The following EPB41L4B variants were observed in gnomAD, a reference collection of about 807,000 sequenced individuals.
EPB41L4B encodes erythrocyte membrane protein band 4.1 like 4B.
EPB41L4B carries 30 observed loss-of-function variants against 112.5 expected under a neutral mutation model. The ratio of observed to expected loss-of-function variants is 0.27; its 90% CI spans 0.20 to 0.36. EPB41L4B has a LOEUF of 0.36. Among genes scored for constraint, EPB41L4B ranks in the 10% least tolerant of loss-of-function variants. EPB41L4B has a pLI of 1.00. For synonymous variants in EPB41L4B, 408 were observed against 439.7 expected (o/e 0.93, Z 0.90); for missense variants, 1,024 against 1,133.3 (o/e 0.90, Z 1.38).
intron 2 of EPB41L4B, among the ~76,000 whole-genome samples, chr9:109,270,745 C>T (rs923704036): frequency 2.0e-5 from 3 of 152,214 alleles, no homozygotes; most frequent in African/African-American, 7.2e-5. Context: ...CAAGTTTAGG[C>T]CTCCCTTTCC....
At chr9:109,195,210 G>C (rs1173957150) in intron 20 of EPB41L4B, among the ~76,000 whole-genome samples, 6 of 152,176 alleles carry the variant, frequency 3.9e-5, no homozygotes, top group African/African-American at 1.2e-4. Flanking sequence ...CCCTTGCATA[G>C]GGGTTGTGAT....
rs577305402 is a variant in EPB41L4B at position 109,230,142 on chromosome 9, T to G, written c.1410-12997A>C. Among the ~76,000 whole-genome samples the G allele has an allele frequency of 7.2e-4, 109 of 152,300 alleles. 1 individual carries two copies. Among genetic ancestry groups the G allele is most frequent in the South Asian group, 1.0e-3 (5 of 4,814 alleles). On this transcript the variant is annotated intron_variant, in intron 15 of 25. Coordinates refer to ENST00000374566, the MANE Select transcript of EPB41L4B (RefSeq NM_019114.5). Reference sequence around the variant, plus strand: ...CCCAGTACTTCACCATCAGTTAACTTAATCTTCCAACAACCATTTGAAGAA... The same window carrying G: ...CCCAGTACTTCACCATCAGTTAACTGAATCTTCCAACAACCATTTGAAGAA...
intron 23 of EPB41L4B, among the ~76,000 whole-genome samples, chr9:109,184,007 C>T (rs1832164476): frequency 6.6e-6 from 1 of 152,246 alleles, no homozygotes; most frequent in African/African-American, 2.4e-5. Flanking sequence ...CCCCAAATTT[C>T]TTTGGTCTCT....
At chr9:109,204,613 T>A (rs1188468066) in intron 18 of EPB41L4B, among the ~76,000 whole-genome samples, 1 of 152,132 alleles carries the variant, frequency 6.6e-6, no homozygotes, top group Non-Finnish European at 1.5e-5. Context: ...TGCCTCAACC[T>A]CCAGATTAGC....
At chr9:109,210,449 T>G (rs537359661) in intron 17 of EPB41L4B, among the ~76,000 whole-genome samples, 7 of 152,328 alleles carry the variant, frequency 4.6e-5, no homozygotes, top group Middle Eastern at 3.4e-3. Context: ...TGACAATTGC[T>G]TAAGGGGAAG....
intron 13 of EPB41L4B, among the ~76,000 whole-genome samples, chr9:109,248,222 C>G (rs1834635235): frequency 6.6e-6 from 1 of 152,236 alleles, no homozygotes; most frequent in African/African-American, 2.4e-5. Context: ...ACCGATCCCT[C>G]CTGAGCATCT....
intron 1 of EPB41L4B, among the ~76,000 whole-genome samples, chr9:109,287,959 G>C (rs1308506289): frequency 1.3e-5 from 2 of 152,210 alleles, no homozygotes; most frequent in Non-Finnish European, 2.9e-5. Flanking sequence ...CTCCATTACA[G>C]CTCAAGTCAT....
chr9:109,319,871 G>A (rs1482187162), intron 1 of EPB41L4B, among the ~76,000 whole-genome samples: 1 of 152,152 alleles, frequency 6.6e-6, no homozygotes, highest in Non-Finnish European at 1.5e-5. Flanking sequence ...GAGGGGGCGA[G>A]GCCCCAAGGA....
chr9:109,248,764 A>AAT (rs1035030875), intron 13 of EPB41L4B, among the ~76,000 whole-genome samples: 18 of 151,568 alleles, frequency 1.2e-4, no homozygotes, highest in South Asian at 6.3e-4. Context: ...TTAAATGCTA[A>AAT]ATATATATAT....
intron 1 of EPB41L4B, among the ~76,000 whole-genome samples, chr9:109,294,488 C>T (rs982149851): frequency 3.3e-5 from 5 of 151,698 alleles, no homozygotes; most frequent in Admixed American, 6.6e-5. Flanking sequence ...GTTCCACATG[C>T]CGGTAGTCTC....
intron 5 of EPB41L4B, 94 bp from the exon 6 acceptor site, chr9:109,263,196 T>C: frequency 1.2e-6 from 1 of 808,014 alleles, no homozygotes. Flanking sequence ...GGTAGCGCTA[T>C]TTAGATAATG....
chr9:109,188,463 C>T (rs1173899068), intron 22 of EPB41L4B, among the ~76,000 whole-genome samples: 1 of 152,154 alleles, frequency 6.6e-6, no homozygotes, highest in Admixed American at 6.5e-5. Context: ...TCTCCACCCA[C>T]CCAAAACAGC....
At chr9:109,177,469 T>C (rs1226323347) in intron 24 of EPB41L4B, among the ~76,000 whole-genome samples, 1 of 152,204 alleles carries the variant, frequency 6.6e-6, no homozygotes, top group Non-Finnish European at 1.5e-5. Flanking sequence ...ATTCTTGTCA[T>C]TTTCATTATA....
At chr9:109,184,958 G>A (rs1832201887) in intron 23 of EPB41L4B, among the ~76,000 whole-genome samples, 1 of 152,190 alleles carries the variant, frequency 6.6e-6, no homozygotes, top group Non-Finnish European at 1.5e-5. Flanking sequence ...GAAAACAGGA[G>A]AGAATATGGT....
At chr9:109,236,646 G>C (rs1834152949) in intron 15 of EPB41L4B, among the ~76,000 whole-genome samples, 1 of 152,140 alleles carries the variant, frequency 6.6e-6, no homozygotes, top group Non-Finnish European at 1.5e-5. Context: ...CCATTCTTTA[G>C]CTCCCTAATT....
intron 15 of EPB41L4B, among the ~76,000 whole-genome samples, chr9:109,229,282 G>GCT (rs1474565912): frequency 1.3e-5 from 2 of 152,136 alleles, no homozygotes; most frequent in Non-Finnish European, 2.9e-5. Flanking sequence ...TACCTCCTAA[G>GCT]TAACCAAATC....
chr9:109,203,514 G>A (rs1000458419), intron 19 of EPB41L4B, 149 bp downstream of exon 19: 3 of 634,712 alleles, frequency 4.7e-6, no homozygotes, highest in Admixed American at 6.3e-5. Context: ...AGTTAGTTAA[G>A]CCAGTCTTTT....
rs778570677 is a variant in EPB41L4B at position 109,207,938 on chromosome 9, G to T, written c.1864C>A (p.Arg622=). 6.2e-7 allele frequency: 1 copy of T among 1,614,032 alleles called. No individual in the cohort carries two copies. The highest frequency in any genetic ancestry group is 1.7e-5 in the Admixed American group (1 of 60,002). The part of the protein sequence containing the change: ...ILKAQLENAS[R]VNIQGGKEES... ...ATTCTGCGCACCTGGATGTTCACTC[G>T]GGAAGCATTTTCCAACTGGGCTTTC... The change falls in exon 18 of 26, where the codon CGA becomes AGA. Residue 622 remains arginine, a synonymous_variant. Coordinates refer to ENST00000374566, the MANE Select transcript of EPB41L4B (RefSeq NM_019114.5).
chr9:109,256,749 CCTGA>C (rs538831303), intron 7 of EPB41L4B, among the ~76,000 whole-genome samples: 18 of 152,198 alleles, frequency 1.2e-4, no homozygotes, highest in Non-Finnish European at 1.5e-4. Flanking sequence ...TCGAGACCAG[CCTGA>C]CTAACATGGT....
Sources: allele counts gnomAD v4.1 joint callset (sites outside exome capture counted in the v4.1 genomes callset), GRCh38; gene constraint gnomAD v4.1.1; transcripts MANE v1.5; gene names NCBI Gene and HGNC (gene_info 2026-07-23, HGNC 2026-07-21).